TBXAS1: variants seen among roughly 807,000 people sequenced by gnomAD.
TBXAS1 encodes thromboxane A synthase 1, also known as thromboxane-A synthase.
TBXAS1 carries 48 observed loss-of-function variants against 60.7 expected under a neutral mutation model. The observed-to-expected ratio is 0.79, with a 90% CI of 0.63 to 1.01. The LOEUF is 1.01. TBXAS1 is among the 50% of genes least tolerant of loss of function. TBXAS1 has a pLI of 0.00. For synonymous variants in TBXAS1, 287 were observed against 269.7 expected (o/e 1.06, Z -0.63); for missense variants, 685 against 686.3 (o/e 1.00, Z 0.02).
chr7:139,824,829 C>CTTTTCTTTTTTTT (rs1401847052), upstream of TBXAS1, among the ~76,000 whole-genome samples: 1 of 38,862 alleles, frequency 2.6e-5, no homozygotes, highest in African/African-American at 9.5e-5. Context: ...TTTTCCTTTT[C>CTTTTCTTTTTTTT]TTTTTTTTTT....
In TBXAS1 at chr7:140,015,888, T is replaced by C. The variant is rs751915386; in HGVS notation, c.1364+28T>C. ...GAGTACTGCCCCTTTTAAAAAGCTC[T>C]GAAGGGATGTGAGTGTGTGGGATAG... On this transcript the variant is annotated intron_variant, in intron 11 of 12. Transcript: ENST00000448866. 9 of 1,612,850 alleles carry C rather than the reference T, an allele frequency of 5.6e-6. No individual in the cohort carries two copies. In the South Asian group the frequency reaches 9.9e-5, roughly 18 times the overall value.
At chr7:139,833,258 A>G (rs1339516733) in intron 1 of TBXAS1, among the ~76,000 whole-genome samples, 2 of 152,154 alleles carry the variant, frequency 1.3e-5, no homozygotes, top group Non-Finnish European at 2.9e-5. Context: ...CTCACCTAAC[A>G]CATAAGGACT....
At chr7:139,952,795 A>G (rs1043694501) in intron 5 of TBXAS1, 8 of 1,177,914 alleles carry the variant, frequency 6.8e-6, no homozygotes, top group African/African-American at 3.1e-5. Context: ...AGGTTTTCCC[A>G]GTATTCGAAA....
chr7:139,822,160 G>A (rs1187388560), intron 4 of TBXAS1, among the ~76,000 whole-genome samples: 1 of 152,182 alleles, frequency 6.6e-6, no homozygotes, highest in East Asian at 1.9e-4. Flanking sequence ...GAAGGGGTAG[G>A]ATTTGAACAC....
intron 9 of TBXAS1, among the ~76,000 whole-genome samples, chr7:139,987,897 C>T (rs1209488843): frequency 6.6e-6 from 1 of 152,220 alleles, no homozygotes; most frequent in Non-Finnish European, 1.5e-5. Context: ...CCCTAGGGGG[C>T]AGTAGCACCA....
chr7:140,015,764 A>C lies in TBXAS1; in HGVS notation c.1268A>C (p.Gln423Pro). Residue 423 changes from glutamine to proline, a missense_variant, in exon 11 of 13, where the codon CAG (glutamine) becomes CCG (proline). Gln to Pro is a moderately conservative substitution (Grantham distance 76). Transcript: ENST00000448866. The stretch of plus-strand genomic sequence containing the variant: ...GCTCAGGACTGCGAGGTGCTGGGGC[A>C]GCGCATCCCCGCAGGCGCTGTGCTA... ...EAAQDCEVLG[Q>P]RIPAGAVLEM... The C allele has an allele frequency of 6.2e-7, 1 of 1,613,642 alleles. No individual in the cohort carries two copies. The highest frequency in any genetic ancestry group is 1.1e-5 in the South Asian group (1 of 91,086).
chr7:139,929,581 A>T (rs1569514933), intron 4 of TBXAS1, among the ~76,000 whole-genome samples: 1 of 152,238 alleles, frequency 6.6e-6, no homozygotes, highest in Non-Finnish European at 1.5e-5. Flanking sequence ...GAACATACTG[A>T]CATATTGATT....
intron 4 of TBXAS1, among the ~76,000 whole-genome samples, chr7:139,801,175 T>G (rs1448340030): frequency 2.0e-5 from 3 of 152,214 alleles, no homozygotes; most frequent in African/African-American, 4.8e-5. Flanking sequence ...TGTTTTTAAA[T>G]AAAATAATGT....
intron 1 of TBXAS1, among the ~76,000 whole-genome samples, chr7:139,853,348 A>C (rs1201097851): frequency 1.3e-5 from 2 of 152,166 alleles, no homozygotes; most frequent in African/African-American, 4.8e-5. Context: ...GTAAAGTGAG[A>C]AACAGTAGGG....
intron 8 of TBXAS1, among the ~76,000 whole-genome samples, chr7:139,959,977 C>T (rs1215022528): frequency 6.6e-6 from 1 of 152,160 alleles, no homozygotes; most frequent in Admixed American, 6.5e-5. Context: ...ATTGACCGAG[C>T]AGCAGGAAGG....
intron 4 of TBXAS1, among the ~76,000 whole-genome samples, chr7:139,822,181 A>C (rs773820583): frequency 6.6e-6 from 1 of 152,234 alleles, no homozygotes; most frequent in African/African-American, 2.4e-5. Context: ...AGGTCATTTG[A>C]AAACAAAAAG....
chr7:139,891,739 C>A (rs1803637741), intron 3 of TBXAS1, among the ~76,000 whole-genome samples: 1 of 152,192 alleles, frequency 6.6e-6, no homozygotes, highest in Admixed American at 6.5e-5. Context: ...CAGTAAATAT[C>A]TGTTGCGTGA....
Position 139,916,703 on chromosome 7 carries a change from G to C in TBXAS1, c.333+5382G>C, listed in dbSNP as rs1273399370. Among the ~76,000 whole-genome samples the C allele has an allele frequency of 6.6e-6, 1 of 152,230 alleles. No homozygotes were observed. Among genetic ancestry groups the C allele is most frequent in the African/African-American group, 2.4e-5 (1 of 41,468 alleles). On this transcript the variant is annotated intron_variant, in intron 4 of 12. Coordinates refer to ENST00000448866, the MANE Select transcript of TBXAS1 (RefSeq NM_001061.7). The surrounding 1 kb of genome is among the most constrained non-coding windows in gnomAD (Gnocchi z 4.2). ...CAAATTAGTCACTGGAAACCTTCCT[G>C]TCCTCTGTATCTGCAGCAGCCTCCT...
At chr7:139,957,526 A>G (rs1809961191) in intron 7 of TBXAS1, 108 bp from the exon 8 acceptor site, 3 of 1,517,222 alleles carry the variant, frequency 2.0e-6, no homozygotes, top group Admixed American at 1.7e-5. Context: ...CAGGACTCCA[A>G]AACGGCTCCG....
At chr7:139,988,622 G>C (rs1341433794) in intron 9 of TBXAS1, among the ~76,000 whole-genome samples, 2 of 152,150 alleles carry the variant, frequency 1.3e-5, no homozygotes, top group East Asian at 3.9e-4. Context: ...TGCAGGATGG[G>C]GTACTTCTGC....
chr7:139,999,828 C>T lies in TBXAS1; in HGVS notation c.1135-7263C>T, dbSNP rs1356888715. Among the ~76,000 whole-genome samples the T allele has an allele frequency of 6.6e-6, 1 of 152,176 alleles. No homozygotes were observed. Among genetic ancestry groups the T allele is most frequent in the African/African-American group, 2.4e-5 (1 of 41,440 alleles). On this transcript the variant is annotated intron_variant, in intron 9 of 12. Coordinates refer to ENST00000448866, the MANE Select transcript of TBXAS1 (RefSeq NM_001061.7). This position sits in a 1 kb window ranked among gnomAD's most constrained non-coding sequence, Gnocchi z 4.3. ...ATAACTACTACAGATGCTGCTGTTC[C>T]TACTGCTCTGAAGAAGAAAACTGAA...
intron 3 of TBXAS1, among the ~76,000 whole-genome samples, chr7:139,892,298 A>C (rs1232598025): frequency 6.6e-6 from 1 of 152,148 alleles, no homozygotes; most frequent in Non-Finnish European, 1.5e-5. Context: ...TCTTCCCTTT[A>C]AAAAATACTT....
intron 1 of TBXAS1, among the ~76,000 whole-genome samples, chr7:139,833,509 C>CAAAAAAAAAAA (rs56291914): frequency 1.3e-5 from 1 of 74,412 alleles, no homozygotes; most frequent in African/African-American, 4.0e-5. Context: ...ACTAAAAATA[C>CAAAAAAAAAAA]AAAAAAAAAA....
At chr7:139,931,480 T>C (rs919901546) in intron 4 of TBXAS1, among the ~76,000 whole-genome samples, 2 of 152,178 alleles carry the variant, frequency 1.3e-5, no homozygotes, top group Non-Finnish European at 2.9e-5. Flanking sequence ...AAGACATACC[T>C]GAGACTGGCA....
Sources: gnomAD v4.1 joint callset for allele counts (sites outside exome capture counted in the v4.1 genomes callset) on GRCh38, gnomAD v4.1.1 for gene constraint, Gnocchi (gnomAD v3.1) non-coding constraint, MANE v1.5 for transcripts, NCBI Gene and HGNC (gene_info 2026-07-23, HGNC 2026-07-21) for gene names.